Variants in ZNF831 observed in about 807,000 individuals in gnomAD.
ZNF831 encodes zinc finger protein 831, also known as chromosome 20 open reading frame 174.
ZNF831 carries 59 observed loss-of-function variants against 95.8 expected under a neutral mutation model. The observed-to-expected ratio is 0.62, with a 90% CI of 0.50 to 0.77. The LOEUF (loss-of-function observed/expected upper bound fraction) is 0.77. ZNF831 is among the 30% of genes least tolerant of loss of function. The probability of loss-of-function intolerance (pLI) is 0.00; values close to 1 mark genes in which losing one functional copy is unlikely to be tolerated. For synonymous variants in ZNF831, 961 were observed against 925.5 expected (o/e 1.04, Z -0.70); for missense variants, 2,205 against 2,164.0 (o/e 1.02, Z -0.38).
At position 59,196,847 on chromosome 20, in the gene ZNF831, G is replaced by T. The variant is rs530601360; in HGVS notation, c.3875+842G>T. ...GGCTGGAGTGCAGTGGCGTGATCTCGGCTCACTGTAACCTCTGCCTTGGGG... is the reference window on the plus strand; with the variant it reads ...GGCTGGAGTGCAGTGGCGTGATCTCTGCTCACTGTAACCTCTGCCTTGGGG... On this transcript the variant is annotated intron_variant, in intron 3 of 5. Transcript: ENST00000371030. Among the ~76,000 whole-genome samples, 15 of 151,966 alleles carry T rather than the reference G, an allele frequency of 9.9e-5. No homozygotes were observed. In the East Asian group the frequency reaches 2.9e-3, roughly 29 times the overall value.
At chr20:59,199,002 C>T (rs1364635836) in intron 3 of ZNF831, among the ~76,000 whole-genome samples, 4 of 152,120 alleles carry the variant, frequency 2.6e-5, no homozygotes, top group Middle Eastern at 3.2e-3. Context: ...TATCCAACCA[C>T]CCACACACAT....
chr20:59,157,092 CT>C (rs1219078780), intron 2 of ZNF831, among the ~76,000 whole-genome samples: 2 of 152,116 alleles, frequency 1.3e-5, no homozygotes. Context: ...TGATTATACT[CT>C]TTTAATTTTT....
rs938367536 is a variant in ZNF831 at position 59,193,227 on chromosome 20, C to T, written c.2208C>T (p.Gly736=). The stretch of plus-strand genomic sequence containing the variant: ...CTGTGTCATCCCCTGCACTGGGTGG[C>T]AGAGACAGTCCCTGTTCAGGCAGTA... ...EEAVSSPALG[G]RDSPCSGSRS... is the part of the protein sequence containing the mutation. The change falls in exon 2 of 6, where the codon GGC becomes GGT. Residue 736 remains glycine (G), a synonymous_variant. Transcript: ENST00000371030. 6.3e-7 allele frequency: 1 copy of T among 1,595,600 alleles called. No individual in the cohort carries two copies. Among genetic ancestry groups the T allele is most frequent in the East Asian group, 2.3e-5 (1 of 43,660 alleles).
At chr20:59,184,407 C>T (rs1055213628) in intron 1 of ZNF831, among the ~76,000 whole-genome samples, 1 of 152,226 alleles carries the variant, frequency 6.6e-6, no homozygotes, top group Non-Finnish European at 1.5e-5. Context: ...TCCTCCCTCC[C>T]CCCTTTTTTT....
At chr20:59,228,585 T>C (rs1462146402) in intron 4 of ZNF831, among the ~76,000 whole-genome samples, 1 of 152,026 alleles carries the variant, frequency 6.6e-6, no homozygotes, top group Non-Finnish European at 1.5e-5. Context: ...GTGAAAGAAC[T>C]TTATGTCTTC....
At chr20:59,178,113 AGTAGCTG>A (rs1358544957) in intron 1 of ZNF831, among the ~76,000 whole-genome samples, 1 of 152,192 alleles carries the variant, frequency 6.6e-6, no homozygotes, top group Non-Finnish European at 1.5e-5. Flanking sequence ...CGTGTTTAGC[AGTAGCTG>A]TGAGGGCCAT....
Position 59,192,886 on chromosome 20 carries a change from T to C in ZNF831, c.1867T>C (p.Tyr623His), listed in dbSNP as rs769078068. 6.3e-7 allele frequency: 1 copy of C among 1,597,162 alleles called. No homozygotes were observed. The highest frequency in any genetic ancestry group is 8.5e-7 in the Non-Finnish European group (1 of 1,172,480). ...KMFSQEKWQVYGDETFKRIYQ... is the reference protein window; with the variant it reads ...KMFSQEKWQVHGDETFKRIYQ... ...GTTCTCCCAGGAGAAGTGGCAGGTG[T>C]ACGGGGATGAGACGTTCAAAAGGAT... is the stretch of plus-strand genomic sequence containing the variant. The change falls in exon 2 of 6, where the codon TAC becomes CAC. Residue 623 changes from tyrosine to histidine, a missense_variant. Transcript: ENST00000371030. The surrounding 1 kb of genome is among the most constrained non-coding windows in gnomAD (Gnocchi z 5.2).
At position 59,228,569 on chromosome 20, in the gene ZNF831, A is replaced by G. The variant is rs960050104; in HGVS notation, c.4027+21513A>G. ...TAGTGAGGCCATCCTAGACCAGCCA[A>G]CGGGGGTGAAAGAACTTTATGTCTT... On this transcript the variant is annotated intron_variant, in intron 4 of 5. Coordinates refer to ENST00000371030, the MANE Select transcript of ZNF831 (RefSeq NM_178457.3). Among the ~76,000 whole-genome samples, 6 of 152,126 alleles carry G rather than the reference A, an allele frequency of 3.9e-5. No individual in the cohort carries two copies. The South Asian group carries it at 1.2e-3, about 32-fold the overall frequency.
chr20:59,220,111 A>G (rs559912785), intron 4 of ZNF831, among the ~76,000 whole-genome samples: 20 of 152,336 alleles, frequency 1.3e-4, no homozygotes, highest in African/African-American at 4.6e-4. Flanking sequence ...AACCGTTCTC[A>G]TATTTGAGTT....
At chr20:59,195,462 C>G (rs912340844) in intron 2 of ZNF831, among the ~76,000 whole-genome samples, 16 of 152,188 alleles carry the variant, frequency 1.1e-4, no homozygotes, top group African/African-American at 3.9e-4. Flanking sequence ...GTCTTGCAGG[C>G]TGTTCGGCTT....
upstream of ZNF831, among the ~76,000 whole-genome samples, chr20:59,159,013 T>C (rs1312843436): frequency 6.6e-6 from 1 of 152,226 alleles, no homozygotes; most frequent in African/African-American, 2.4e-5. Flanking sequence ...TGATTTTTCA[T>C]ATAACTTTTT....
chr20:59,150,699 C>T (rs1357650276), intron 2 of ZNF831, among the ~76,000 whole-genome samples: 1 of 152,164 alleles, frequency 6.6e-6, no homozygotes, highest in Non-Finnish European at 1.5e-5. Context: ...TACTCCGCGC[C>T]AGCACACGCT....
chr20:59,124,867 G>A (rs1447967830), intron 1 of ZNF831, among the ~76,000 whole-genome samples: 3 of 152,134 alleles, frequency 2.0e-5, no homozygotes, highest in African/African-American at 4.8e-5. Flanking sequence ...CCTCCTCCAC[G>A]CTGGGAGTGT....
intron 4 of ZNF831, among the ~76,000 whole-genome samples, chr20:59,240,768 C>G (rs1032830233): frequency 6.6e-6 from 1 of 152,120 alleles, no homozygotes; most frequent in Admixed American, 6.5e-5. Context: ...CGCCACTGCA[C>G]TCCAGCCTGG....
At chr20:59,229,828 C>T (rs868405838) in intron 4 of ZNF831, among the ~76,000 whole-genome samples, 2 of 152,054 alleles carry the variant, frequency 1.3e-5, no homozygotes, top group East Asian at 1.9e-4. Context: ...AACCTGAAGC[C>T]CTAAGGGGTA....
chr20:59,152,665 C>T (rs372516216), intron 2 of ZNF831, among the ~76,000 whole-genome samples: 92 of 152,120 alleles, frequency 6.0e-4, no homozygotes, highest in African/African-American at 2.0e-3. Context: ...AGCAGGTGCC[C>T]GAGGCTTCCC....
chr20:59,140,743 T>C (rs78953748), intron 1 of ZNF831, among the ~76,000 whole-genome samples: 2 of 152,126 alleles, frequency 1.3e-5, no homozygotes, highest in African/African-American at 2.4e-5. Context: ...CATTTTTAAT[T>C]TTAGCCATTT....
At chr20:59,222,449 A>G (rs868159996) in intron 4 of ZNF831, among the ~76,000 whole-genome samples, 2 of 151,148 alleles carry the variant, frequency 1.3e-5, no homozygotes, top group Non-Finnish European at 2.9e-5. Flanking sequence ...CCAAGCCTCA[A>G]TCTTGCAGGA....
chr20:59,135,432 T>TA (rs921204883), intron 1 of ZNF831, among the ~76,000 whole-genome samples: 97 of 148,100 alleles, frequency 6.5e-4, no homozygotes, highest in Middle Eastern at 6.9e-3. Context: ...CACAAAATAA[T>TA]AAAAAAAAAA....
Sources: gnomAD v4.1 joint callset for allele counts (sites outside exome capture counted in the v4.1 genomes callset) on GRCh38, gnomAD v4.1.1 for gene constraint, Gnocchi (gnomAD v3.1) non-coding constraint, MANE v1.5 for transcripts, NCBI Gene and HGNC (gene_info 2026-07-23, HGNC 2026-07-21) for gene names.